Variants in CASZ1 observed in about 807,000 individuals in gnomAD.
The protein encoded by CASZ1 is zinc finger protein castor homolog 1.
Under a neutral mutation model 135.2 loss-of-function variants are expected in CASZ1, and 28 were observed. The ratio of observed to expected loss-of-function variants is 0.21; its 90% confidence interval spans 0.15 to 0.28. CASZ1 has a LOEUF of 0.28. Ranked by LOEUF, CASZ1 falls within the 10% of genes least tolerant of loss-of-function variation. CASZ1 has a pLI of 1.00. For missense variants in CASZ1, 2,161 were observed against 2,453.3 expected (o/e 0.88, Z 2.52); for synonymous variants, 1,068 against 1,073.4 (o/e 0.99, Z 0.10).
intron 1 of CASZ1, among the ~76,000 whole-genome samples, chr1:10,787,455 G>A (rs1011716838): frequency 2.0e-5 from 3 of 152,324 alleles, no homozygotes; most frequent in African/African-American, 7.2e-5. Flanking sequence ...CTGTGGGGAC[G>A]AGTGGGCCCA....
intron 1 of CASZ1, among the ~76,000 whole-genome samples, chr1:10,775,813 G>A (rs1272079030): frequency 1.3e-5 from 2 of 152,164 alleles, no homozygotes; most frequent in African/African-American, 4.8e-5. Flanking sequence ...GGCCACGTGT[G>A]TCTCTCTGCC....
chr1:10,663,855 C>T (rs1643135766), intron 5 of CASZ1, among the ~76,000 whole-genome samples: 2 of 152,222 alleles, frequency 1.3e-5, no homozygotes, highest in Non-Finnish European at 2.9e-5. Context: ...CCCCGCTCTC[C>T]ACTCCTCTGG....
intron 1 of CASZ1, among the ~76,000 whole-genome samples, chr1:10,769,850 T>C (rs1214820005): frequency 6.6e-6 from 1 of 152,082 alleles, no homozygotes; most frequent in African/African-American, 2.4e-5. Context: ...TGTGCCAGGC[T>C]CAGTGCTAAG....
At chr1:10,716,481 A>C (rs577033205) in intron 2 of CASZ1, among the ~76,000 whole-genome samples, 1 of 152,356 alleles carries the variant, frequency 6.6e-6, no homozygotes, top group South Asian at 2.1e-4. Flanking sequence ...CAGTGGGCAG[A>C]GGGAGACGTA....
intron 2 of CASZ1, among the ~76,000 whole-genome samples, chr1:10,742,821 TAA>T (rs1639949675): frequency 6.6e-6 from 1 of 151,918 alleles, no homozygotes; most frequent in Admixed American, 6.6e-5. Flanking sequence ...CTGTCTCTAC[TAA>T]AAATACAAAA....
rs929868440 is a variant in CASZ1, at chr1:10,709,395, C to T, written c.-76-3851G>A. Among the ~76,000 whole-genome samples the T allele has an allele frequency of 1.5e-4, 23 of 152,066 alleles. No homozygotes were observed. The highest frequency in any genetic ancestry group is 6.2e-4 in the South Asian group (3 of 4,822). On this transcript the variant is annotated intron_variant, in intron 2 of 20. Coordinates refer to ENST00000377022, the MANE Select transcript of CASZ1 (RefSeq NM_001079843.3). The surrounding 1 kb of genome is among the most constrained non-coding windows in gnomAD (Gnocchi z 5.1). ...CAGCCCGGCAGTGTGAGGAGGGGGG[C>T]GGCATAGACAACAGGGGCAGCGTCA...
At position 10,646,061 on chromosome 1, in the gene CASZ1, G is replaced by T. The variant is rs566430164; in HGVS notation, c.3696+67C>A. ...CTCTGCCAGGAGGTGACTGTCCTGT[G>T]CCCTGAGCTAGCCCTGCACCTCCCT... On this transcript the variant is annotated intron_variant, in intron 17 of 20. Transcript: ENST00000377022. The surrounding 1 kb of genome is among the most constrained non-coding windows in gnomAD (Gnocchi z 6.4). 190 of 1,476,312 alleles carry T rather than the reference G, an allele frequency of 1.3e-4. 2 individuals carry two copies. The South Asian group carries it at 1.9e-3, about 15-fold the overall frequency. The allele number at this position is 1,476,312 out of a possible 1,614,324, so 91.5% of individuals were successfully genotyped here. A position where few individuals can be genotyped will look rare whatever the true frequency, so the allele number is the denominator to read the frequency against.
intron 1 of CASZ1, among the ~76,000 whole-genome samples, chr1:10,764,010 G>A (rs947179986): frequency 6.6e-6 from 1 of 152,170 alleles, no homozygotes; most frequent in Non-Finnish European, 1.5e-5. Context: ...CTATAGGCAA[G>A]TGCCACCACG....
intron 2 of CASZ1, among the ~76,000 whole-genome samples, chr1:10,723,685 G>T (rs1407746970): frequency 6.6e-6 from 1 of 152,210 alleles, no homozygotes; most frequent in African/African-American, 2.4e-5. Flanking sequence ...CAGCAGCCCT[G>T]GCTGGAAGCT....
In CASZ1 at chr1:10,719,200, G is replaced by A. The variant is rs55934443; in HGVS notation, c.-76-13656C>T. Reference sequence around the variant, plus strand: ...CCCTAAGTGCTGGGATTACAGGCGTGAGCCACCGCACCCGGCCCCGTGCCC... The same window carrying A: ...CCCTAAGTGCTGGGATTACAGGCGTAAGCCACCGCACCCGGCCCCGTGCCC... On this transcript the variant is annotated intron_variant, in intron 2 of 20. Coordinates refer to ENST00000377022, the MANE Select transcript of CASZ1 (RefSeq NM_001079843.3). This position sits in a 1 kb window ranked among gnomAD's most constrained non-coding sequence, Gnocchi z 4.0. 5.5e-3 allele frequency among the ~76,000 whole-genome samples: 833 copies of A among 152,314 alleles called. 8 individuals carry two copies. The highest frequency in any genetic ancestry group is 0.019 in the African/African-American group (787 of 41,564).
intron 4 of CASZ1, among the ~76,000 whole-genome samples, chr1:10,668,095 G>C (rs1479015206): frequency 2.0e-5 from 3 of 152,214 alleles, no homozygotes; most frequent in African/African-American, 4.8e-5. Context: ...GTGTGGGCCG[G>C]GGACACAGGG....
At chr1:10,729,375 T>TCC (rs1639661766) in intron 2 of CASZ1, among the ~76,000 whole-genome samples, 1 of 152,094 alleles carries the variant, frequency 6.6e-6, no homozygotes. Context: ...CCCAGGTGGC[T>TCC]CCTCTCCCTC....
In CASZ1 at chr1:10,706,982, A is replaced by G. The variant is rs1238061041; in HGVS notation, c.-76-1438T>C. On this transcript the variant is annotated intron_variant, in intron 2 of 20. Coordinates refer to ENST00000377022, the MANE Select transcript of CASZ1 (RefSeq NM_001079843.3). This position sits in a 1 kb window ranked among gnomAD's most constrained non-coding sequence, Gnocchi z 4.3. ...GGAGAGGATGGAGGAGGAGGCCGGC[A>G]GGGAGGGTCACAGGGTCCGGGGATG... 1.3e-5 allele frequency among the ~76,000 whole-genome samples: 2 copies of G among 152,094 alleles called. No individual in the cohort carries two copies. The highest frequency in any genetic ancestry group is 2.9e-5 in the Non-Finnish European group (2 of 67,980).
chr1:10,646,212 C>A lies in CASZ1; in HGVS notation c.3612G>T (p.Leu1204=). 2 of 1,614,190 alleles carry A rather than the reference C, an allele frequency of 1.2e-6. No individual in the cohort carries two copies. The highest frequency in any genetic ancestry group is 1.7e-6 in the Non-Finnish European group (2 of 1,180,034). Residue 1204 remains leucine (L), a synonymous_variant, in exon 17 of 21, where the codon CTG becomes CTT. Transcript: ENST00000377022. The surrounding 1 kb of genome is among the most constrained non-coding windows in gnomAD (Gnocchi z 6.4). ...KTSGKAESHC[L]DHINPNNNLV... Reference sequence around the variant, plus strand: ...GGTTGTTGTTGGGGTTGATGTGGTCCAGGCAGTGGGATTCGGCCTTGCCAG... The same window carrying A: ...GGTTGTTGTTGGGGTTGATGTGGTCAAGGCAGTGGGATTCGGCCTTGCCAG...
At position 10,705,291 on chromosome 1, in the gene CASZ1, C is replaced by T. The variant is rs115648847; in HGVS notation, c.-24+201G>A. On this transcript the variant is annotated intron_variant, in intron 3 of 20. Coordinates refer to ENST00000377022, the MANE Select transcript of CASZ1 (RefSeq NM_001079843.3). The stretch of plus-strand genomic sequence containing the variant: ...ACCATTTCCAGCCTAAAAGCCAAAC[C>T]GAGGGGATCCTACTGGCGGGAGGGC... Among the ~76,000 whole-genome samples, 394 of 152,332 alleles carry T rather than the reference C, an allele frequency of 2.6e-3. 1 individual carries two copies. Among genetic ancestry groups the T allele is most frequent in the African/African-American group, 9.1e-3 (377 of 41,562 alleles).
At chr1:10,744,419 C>CGACAGGGG (rs1212810891) in intron 2 of CASZ1, among the ~76,000 whole-genome samples, 1 of 79,356 alleles carries the variant, frequency 1.3e-5, no homozygotes, top group Non-Finnish European at 2.5e-5. Context: ...ATGTCCTGGG[C>CGACAGGGG]ACCACGAGCA....
At chr1:10,698,307 C>T (rs993642583) in intron 3 of CASZ1, among the ~76,000 whole-genome samples, 6 of 152,222 alleles carry the variant, frequency 3.9e-5, no homozygotes, top group African/African-American at 7.2e-5. Context: ...AAATTCATGA[C>T]GGAGAAATCC....
At chr1:10,693,693 A>G (rs1404665497) in intron 4 of CASZ1, among the ~76,000 whole-genome samples, 181 bp downstream of exon 4, 1 of 152,004 alleles carries the variant, frequency 6.6e-6, no homozygotes, top group Non-Finnish European at 1.5e-5. Flanking sequence ...AGTGGCAAAT[A>G]ACAACAACAA....
At chr1:10,674,785 G>A (rs904022801) in intron 4 of CASZ1, among the ~76,000 whole-genome samples, 2 of 152,220 alleles carry the variant, frequency 1.3e-5, no homozygotes, top group African/African-American at 4.8e-5. Context: ...GGATCTGAGA[G>A]CTGCCCTAGG....
Sources: gnomAD v4.1 joint callset for allele counts (sites outside exome capture counted in the v4.1 genomes callset) on GRCh38, gnomAD v4.1.1 for gene constraint, Gnocchi (gnomAD v3.1) non-coding constraint, MANE v1.5 for transcripts, NCBI Gene and HGNC (gene_info 2026-07-23, HGNC 2026-07-21) for gene names.